ZNF528: variants seen among roughly 807,000 people sequenced by gnomAD.
The protein encoded by ZNF528 is zinc finger protein 528.
A neutral mutation model predicts 13.3 loss-of-function variants in ZNF528; 9 were observed. The observed-to-expected ratio is 0.67, with a 90% confidence interval of 0.41 to 1.18. The LOEUF (loss-of-function observed/expected upper bound fraction) is 1.18. Among genes scored for constraint, ZNF528 ranks in the 50% most tolerant of loss-of-function variants. The pLI is 0.01. For missense variants in ZNF528, 858 were observed against 745.4 expected (o/e 1.15, Z -1.76); for synonymous variants, 264 against 254.3 (o/e 1.04, Z -0.36).
intron 6 of ZNF528, chr19:52,413,120 G>C (rs1159513928): frequency 6.6e-6 from 1 of 152,186 alleles, no homozygotes; most frequent in East Asian, 1.9e-4. Context: ...ATGCAAAAAG[G>C]ATTGTACTAG....
chr19:52,411,658 T>C (rs948212302), intron 6 of ZNF528: 2 of 152,204 alleles, frequency 1.3e-5, no homozygotes, highest in Admixed American at 6.5e-5. Flanking sequence ...AGGAGAAATA[T>C]GAATGACCCC....
In ZNF528 at chr19:52,406,545, C is replaced by T. The variant is rs2058858335; in HGVS notation, c.173C>T (p.Ser58Phe). The change falls in exon 6 of 7, where the codon TCC becomes TTC. Residue 58 changes from serine (S) to phenylalanine (F), a missense_variant. Transcript: ENST00000360465. ...GICLPDLSVT[S>F]MLEQKRDPWT... ...TGTCTTCCTGACCTGAGTGTTACCT[C>T]CATGTTAGAGCAAAAGAGAGATCCC... is the stretch of plus-strand genomic sequence containing the variant. 6.2e-7 allele frequency: 1 copy of T among 1,613,858 alleles called. No individual in the cohort carries two copies. The highest frequency in any genetic ancestry group is 2.2e-5 in the East Asian group (1 of 44,898).
At chr19:52,409,692 C>T (rs1037549046) in intron 6 of ZNF528, among the ~76,000 whole-genome samples, 1 of 151,356 alleles carries the variant, frequency 6.6e-6, no homozygotes, top group Non-Finnish European at 1.5e-5. Context: ...ACAACTTCTC[C>T]CAGGTTTTTT....
Position 52,407,018 on chromosome 19 carries a change from T to G in ZNF528, c.271+375T>G, listed in dbSNP as rs140915865. The stretch of plus-strand genomic sequence containing the variant: ...AGAATGCAATGGCATGATTATGGCT[T>G]GCTGCATCCTCGACTTCCTGGGCTC... On this transcript the variant is annotated intron_variant, in intron 6 of 6. Coordinates refer to ENST00000360465, the MANE Select transcript of ZNF528 (RefSeq NM_032423.3). The G allele has an allele frequency of 4.0e-3, 897 of 226,680 alleles. 7 individuals are homozygous for G. Among genetic ancestry groups the G allele is most frequent in the African/African-American group, 0.019 (843 of 44,356 alleles). 14.0% of individuals were successfully genotyped at this position (226,680 alleles called of 1,614,324 possible). A position where few individuals can be genotyped will look rare whatever the true frequency, so the allele number is the denominator to read the frequency against.
At chr19:52,400,045 G>A (rs769600376) in intron 2 of ZNF528, among the ~76,000 whole-genome samples, 2 of 152,116 alleles carry the variant, frequency 1.3e-5, no homozygotes, top group Non-Finnish European at 2.9e-5. Context: ...TGTGTTCTTA[G>A]TAGTGACTGG....
chr19:52,414,115 A>G (rs1293430111), intron 6 of ZNF528: 4 of 676,204 alleles, frequency 5.9e-6, no homozygotes, highest in African/African-American at 3.5e-5. Flanking sequence ...CCGACCTCAT[A>G]TCGCTCCCAG....
At chr19:52,412,206 G>T (rs1248412888) in intron 6 of ZNF528, 1 of 152,184 alleles carries the variant, frequency 6.6e-6, no homozygotes, top group Non-Finnish European at 1.5e-5. Context: ...GGTGTAATTT[G>T]CAGGGAATAA....
At chr19:52,406,479 G>A (rs756663317) in intron 5 of ZNF528, 36 bp from the exon 6 acceptor site, 30 of 1,600,454 alleles carry the variant, frequency 1.9e-5, no homozygotes, top group Non-Finnish European at 2.5e-5. Flanking sequence ...CTTGGGAGAT[G>A]CCACAGCACA....
In ZNF528 at chr19:52,416,428, T is replaced by C. The variant is rs775043564; in HGVS notation, c.1576T>C (p.Cys526Arg). 2.5e-6 allele frequency: 4 copies of C among 1,614,144 alleles called. No individual in the cohort carries two copies. The South Asian group carries it at 3.3e-5, about 13-fold the overall frequency. ...AGAAAAGCCTTACAAATGTAATCAA[T>C]GTGGCAAGGTCTTTAATCAAGCATC... is the stretch of plus-strand genomic sequence containing the variant. Reference protein sequence around the residue: ...TGEKPYKCNQCGKVFNQASYL... With the variant: ...TGEKPYKCNQRGKVFNQASYL... Residue 526 changes from cysteine to arginine, a missense_variant, in exon 7 of 7, where the codon TGT becomes CGT. Cys to Arg is a radical substitution (Grantham distance 180, BLOSUM62 -3). Coordinates refer to ENST00000360465, the MANE Select transcript of ZNF528 (RefSeq NM_032423.3).
At chr19:52,411,584 C>A (rs1213775794) in intron 6 of ZNF528, 3 of 152,168 alleles carry the variant, frequency 2.0e-5, no homozygotes, top group Admixed American at 6.5e-5. Flanking sequence ...GATCTAGCTT[C>A]CCCTGTGTTA....
intron 6 of ZNF528, 124 bp from the exon 7 acceptor site, chr19:52,415,000 A>G: frequency 6.4e-7 from 1 of 1,553,872 alleles, no homozygotes; most frequent in East Asian, 2.4e-5. Flanking sequence ...CCAGCATGAT[A>G]CACACAATAC....
chr19:52,414,451 G>A, intron 6 of ZNF528: 1 of 605,922 alleles, frequency 1.7e-6, no homozygotes, highest in Non-Finnish European at 2.9e-6. Context: ...ATTTTATTGG[G>A]TAAAGGAGAT....
intron 4 of ZNF528, among the ~76,000 whole-genome samples, chr19:52,403,514 G>A (rs2122521411): frequency 6.6e-6 from 1 of 152,172 alleles, no homozygotes; most frequent in East Asian, 1.9e-4. Flanking sequence ...AGAAAAATTA[G>A]CCAGGCATGG....
intron 2 of ZNF528, 128 bp downstream of exon 2, chr19:52,398,747 G>C (rs2058757331): frequency 5.1e-6 from 2 of 389,352 alleles, no homozygotes; most frequent in African/African-American, 2.1e-5. Context: ...GATAGGGAAG[G>C]CTTCTCAGAC....
chr19:52,407,260 T>C (rs1276307670), intron 6 of ZNF528, among the ~76,000 whole-genome samples: 4 of 152,052 alleles, frequency 2.6e-5, no homozygotes, highest in Non-Finnish European at 2.9e-5. Flanking sequence ...CACCTCAGCC[T>C]CCTGAATAGC....
At chr19:52,400,468 C>CT (rs1390785219) in intron 2 of ZNF528, among the ~76,000 whole-genome samples, 8 of 152,142 alleles carry the variant, frequency 5.3e-5, no homozygotes, top group Non-Finnish European at 8.8e-5. Flanking sequence ...TCCACTGCTC[C>CT]TTTTTTTATC....
intron 4 of ZNF528, among the ~76,000 whole-genome samples, chr19:52,404,629 G>A (rs2058833149): frequency 6.8e-6 from 1 of 147,018 alleles, no homozygotes; most frequent in South Asian, 2.2e-4. Flanking sequence ...TGTCACTCTT[G>A]TCTGTTGCCC....
At chr19:52,408,226 G>C (rs2058883901) in intron 6 of ZNF528, 1 of 150,324 alleles carries the variant, frequency 6.7e-6, no homozygotes, top group Non-Finnish European at 1.5e-5. Context: ...TATCTCCCAG[G>C]CTGATCTCGG....
chr19:52,400,424 T>G (rs1445168579), intron 2 of ZNF528, among the ~76,000 whole-genome samples: 1 of 152,192 alleles, frequency 6.6e-6, no homozygotes, highest in Non-Finnish European at 1.5e-5. Flanking sequence ...ATTTCTTGCT[T>G]GACCCCATCC....
Sources: allele counts gnomAD v4.1 joint callset (sites outside exome capture counted in the v4.1 genomes callset), GRCh38; gene constraint gnomAD v4.1.1; transcripts MANE v1.5; gene names NCBI Gene and HGNC (gene_info 2026-07-23, HGNC 2026-07-21).